The following TIAM1 variants were observed in gnomAD, a reference collection of about 807,000 sequenced individuals.
The protein encoded by TIAM1 is TIAM Rac1 associated GEF 1.
In TIAM1, 65 loss-of-function variants were observed where a neutral mutation model predicts 163.5. That is an observed-to-expected ratio of 0.40 (90% CI 0.33 to 0.49). The LOEUF (loss-of-function observed/expected upper bound fraction) is 0.49, where lower values mean the gene tolerates loss of function less well. TIAM1 is among the 20% of genes least tolerant of loss of function. The probability of loss-of-function intolerance (pLI) is 0.77; values close to 1 mark genes in which losing one functional copy is unlikely to be tolerated. For synonymous variants in TIAM1, 833 were observed against 810.1 expected (o/e 1.03, Z -0.48); for missense variants, 1,789 against 2,044.7 (o/e 0.87, Z 2.41).
At chr21:31,222,709 T>A (rs867410987) in intron 8 of TIAM1, among the ~76,000 whole-genome samples, 83 of 51,950 alleles carry the variant, frequency 1.6e-3, no homozygotes, top group Non-Finnish European at 2.0e-3. Context: ...ATATATATAT[T>A]TTTTTTTTTT....
intron 2 of TIAM1, among the ~76,000 whole-genome samples, chr21:31,427,032 C>A (rs554892424): frequency 6.6e-6 from 1 of 152,220 alleles, no homozygotes; most frequent in African/African-American, 2.4e-5. Context: ...GCAATCCTCC[C>A]ACCTCAGCCT....
chr21:31,515,466 A>T (rs1602466604), intron 1 of TIAM1, among the ~76,000 whole-genome samples: 1 of 152,142 alleles, frequency 6.6e-6, no homozygotes, highest in Non-Finnish European at 1.5e-5. Context: ...TGCCCACTTC[A>T]ACAGCCATAA....
intron 2 of TIAM1, among the ~76,000 whole-genome samples, chr21:31,386,821 C>T (rs2076880015): frequency 6.6e-6 from 1 of 152,182 alleles, no homozygotes; most frequent in South Asian, 2.1e-4. Context: ...ATGGCTTTTG[C>T]TATTGTTAAA....
Position 31,419,777 on chromosome 21 carries a change from G to A in TIAM1, c.-369+44206C>T, listed in dbSNP as rs185864236. Among the ~76,000 whole-genome samples the A allele has an allele frequency of 5.9e-5, 9 of 152,300 alleles. No individual in the cohort carries two copies. In the East Asian group the frequency reaches 1.2e-3, roughly 20 times the overall value. On this transcript the variant is annotated intron_variant, in intron 2 of 28. Transcript: ENST00000286827. ...AACTACATAACATCCTAGACTGAGCGTGGTGGCTTACACCTGTAATCCCAG... is the reference window on the plus strand; with the variant it reads ...AACTACATAACATCCTAGACTGAGCATGGTGGCTTACACCTGTAATCCCAG...
intron 15 of TIAM1, among the ~76,000 whole-genome samples, chr21:31,173,838 A>G (rs997709124): frequency 1.3e-5 from 2 of 152,194 alleles, no homozygotes; most frequent in Non-Finnish European, 2.9e-5. Flanking sequence ...AAATATCAAA[A>G]TAGAGCATCT....
intron 2 of TIAM1, among the ~76,000 whole-genome samples, chr21:31,354,882 G>A (rs1020424958): frequency 6.6e-6 from 1 of 152,170 alleles, no homozygotes; most frequent in Admixed American, 6.5e-5. Context: ...CTTGCTGTGG[G>A]CTGGCAGACG....
intron 2 of TIAM1, among the ~76,000 whole-genome samples, chr21:31,360,831 T>C (rs1293325598): frequency 6.6e-6 from 1 of 152,168 alleles, no homozygotes; most frequent in Non-Finnish European, 1.5e-5. Flanking sequence ...GTTTTTCAAT[T>C]TACAAAATGT....
chr21:31,499,265 TTAACAA>T, intron 1 of TIAM1, among the ~76,000 whole-genome samples: 1 of 151,668 alleles, frequency 6.6e-6, no homozygotes, highest in East Asian at 2.0e-4. Context: ...ATGACATACT[TTAACAA>T]AGATACAGCC....
At chr21:31,136,629 G>A (rs2146258326) in intron 22 of TIAM1, among the ~76,000 whole-genome samples, 1 of 152,232 alleles carries the variant, frequency 6.6e-6, no homozygotes, top group South Asian at 2.1e-4. Context: ...TTGTCTACTA[G>A]AATTTCAGAA....
intron 2 of TIAM1, among the ~76,000 whole-genome samples, chr21:31,380,342 G>A (rs999854464): frequency 9.9e-5 from 15 of 151,738 alleles, no homozygotes; most frequent in Admixed American, 2.6e-4. Flanking sequence ...TCAGGAGTTC[G>A]AGACCAGCCT....
intron 1 of TIAM1, among the ~76,000 whole-genome samples, chr21:31,498,791 T>TACAAAA (rs2046751485): frequency 1.3e-5 from 2 of 151,552 alleles, no homozygotes; most frequent in Non-Finnish European, 1.5e-5. Flanking sequence ...ACTAAAATTA[T>TACAAAA]AAAAATTAGC....
At chr21:31,394,187 A>G (rs534909271) in intron 2 of TIAM1, among the ~76,000 whole-genome samples, 1 of 152,358 alleles carries the variant, frequency 6.6e-6, no homozygotes, top group South Asian at 2.1e-4. Context: ...GAAATGAGCT[A>G]GCAAGCCACA....
chr21:31,238,278 T>C (rs577780036), intron 6 of TIAM1, among the ~76,000 whole-genome samples: 2 of 152,330 alleles, frequency 1.3e-5, no homozygotes, highest in African/African-American at 2.4e-5. Context: ...CAGAGTTACA[T>C]GGATTTATAA....
chr21:31,274,921 C>T (rs1329929087), intron 3 of TIAM1, among the ~76,000 whole-genome samples: 1 of 137,112 alleles, frequency 7.3e-6, no homozygotes, highest in Non-Finnish European at 1.5e-5. Flanking sequence ...CTAGTCTGGC[C>T]AGTATGGTGA....
intron 6 of TIAM1, among the ~76,000 whole-genome samples, chr21:31,236,379 C>T (rs2088760333): frequency 6.6e-6 from 1 of 152,094 alleles, no homozygotes; most frequent in Non-Finnish European, 1.5e-5. Flanking sequence ...TGGCTAGGGG[C>T]AGGGATATAA....
chr21:31,383,479 C>T lies in TIAM1; in HGVS notation c.-368-44057G>A, dbSNP rs928174859. Among the ~76,000 whole-genome samples the T allele has an allele frequency of 5.9e-5, 9 of 152,162 alleles. No homozygotes were observed. In the South Asian group the frequency reaches 6.2e-4, roughly 11 times the overall value. On this transcript the variant is annotated intron_variant, in intron 2 of 28. Coordinates refer to the TIAM1 transcript ENST00000286827. Reference sequence around the variant, plus strand: ...TTGGTAGGATGAGTCCTTTCCCAGGCACCTCTTCACACTTCAACAGTTCTT... The same window carrying T: ...TTGGTAGGATGAGTCCTTTCCCAGGTACCTCTTCACACTTCAACAGTTCTT...
intron 15 of TIAM1, among the ~76,000 whole-genome samples, chr21:31,167,034 T>C (rs966456364): frequency 6.6e-6 from 1 of 151,654 alleles, no homozygotes; most frequent in Non-Finnish European, 1.5e-5. Context: ...TCGCTCACAA[T>C]GCCTAGGATA....
chr21:31,130,366 A>G (rs377200400), intron 24 of TIAM1, 51 bp from the exon 25 acceptor site: 93 of 1,443,262 alleles, frequency 6.4e-5, no homozygotes, highest in Middle Eastern at 1.7e-4. Flanking sequence ...CCTGCCCCGG[A>G]CCAGTTCCCT....
chr21:31,250,709 C>G (rs1254875139), intron 5 of TIAM1, among the ~76,000 whole-genome samples: 1 of 152,180 alleles, frequency 6.6e-6, no homozygotes, highest in Non-Finnish European at 1.5e-5. Context: ...TCAAGTCTAG[C>G]TTGGGAAGAA....
Sources: allele counts gnomAD v4.1 joint callset (sites outside exome capture counted in the v4.1 genomes callset), GRCh38; gene constraint gnomAD v4.1.1; transcripts MANE v1.5; gene names NCBI Gene and HGNC (gene_info 2026-07-23, HGNC 2026-07-21).